Variants in NCBP1 observed in about 807,000 individuals in gnomAD.
NCBP1 encodes nuclear cap binding protein subunit 1, also known as nuclear cap-binding protein subunit 1.
A neutral mutation model predicts 111.7 loss-of-function variants in NCBP1; 16 were observed. The observed-to-expected ratio is 0.14, with a 90% CI of 0.10 to 0.22. The LOEUF (loss-of-function observed/expected upper bound fraction) is 0.22, where lower values mean the gene tolerates loss of function less well. NCBP1 is among the 10% of genes least tolerant of loss of function. The probability of loss-of-function intolerance (pLI) is 1.00; values close to 1 mark genes in which losing one functional copy is unlikely to be tolerated. For missense variants in NCBP1, 607 were observed against 957.5 expected (o/e 0.63, Z 4.83); for synonymous variants, 304 against 314.3 (o/e 0.97, Z 0.35).
intron 12 of NCBP1, among the ~76,000 whole-genome samples, chr9:97,655,393 A>ATT (rs201594878): frequency 3.3e-5 from 5 of 151,832 alleles, no homozygotes; most frequent in Admixed American, 3.3e-4. Context: ...AATTTCATAA[A>ATT]ATTTTTTTTT....
chr9:97,660,820 G>A (rs1295401543), intron 15 of NCBP1, 126 bp from the exon 16 acceptor site: 3 of 1,103,346 alleles, frequency 2.7e-6, no homozygotes, highest in East Asian at 5.0e-5. Context: ...TATTGACCTT[G>A]GGATAAAGAG....
chr9:97,665,545 C>T (rs2131365820), intron 19 of NCBP1, among the ~76,000 whole-genome samples: 2 of 152,324 alleles, frequency 1.3e-5, no homozygotes, highest in Middle Eastern at 6.8e-3. Context: ...ATTTGTAACT[C>T]TGCAAACCTT....
rs1040796632 is a variant in NCBP1 at position 97,662,861 on chromosome 9, T to G, written c.1704-93T>G. 8 of 903,196 alleles carry G rather than the reference T, an allele frequency of 8.9e-6. No individual in the cohort carries two copies. The African/African-American group carries it at 1.3e-4, about 15-fold the overall frequency. 55.9% of individuals were successfully genotyped at this position (903,196 alleles called of 1,614,324 possible). ...AGTTATTTTGCATTTATATATTGCA[T>G]TATAAATTGAGTAACATTGAAAAGG... On this transcript the variant is annotated intron_variant, in intron 17 of 22. Transcript: ENST00000375147.
At chr9:97,669,083 G>T in intron 21 of NCBP1, 109 bp downstream of exon 21, 10 of 1,259,308 alleles carry the variant, frequency 7.9e-6, no homozygotes, top group Non-Finnish European at 1.1e-5. Context: ...TTCATTTATA[G>T]AAGAGATTAA....
Position 97,658,627 on chromosome 9 carries a change from A to T in NCBP1, c.1374-13A>T, listed in dbSNP as rs759430225. On this transcript the variant is annotated splice_polypyrimidine_tract_variant and intron_variant, in intron 14 of 22. Coordinates refer to ENST00000375147, the MANE Select transcript of NCBP1 (RefSeq NM_002486.5). ...ATAAAAGATATTTTCTGAGGCTGTT[A>T]TTTGTATTGTAGGTTGTCTTACCAT... The T allele has an allele frequency of 1.9e-6, 3 of 1,572,278 alleles. No individual in the cohort carries two copies. The highest frequency in any genetic ancestry group is 2.2e-5 in the South Asian group (2 of 90,166).
intron 18 of NCBP1, 108 bp from the exon 19 acceptor site, chr9:97,664,232 T>C (rs1827926179): frequency 1.6e-6 from 1 of 645,008 alleles, no homozygotes; most frequent in South Asian, 2.7e-5. Flanking sequence ...CCACCAAAAC[T>C]AAATTTTATA....
chr9:97,649,372 A>T (rs1408080785), intron 8 of NCBP1, among the ~76,000 whole-genome samples: 1 of 152,158 alleles, frequency 6.6e-6, no homozygotes, highest in Non-Finnish European at 1.5e-5. Context: ...CTCAGTTTTG[A>T]CAACCAAAAA....
chr9:97,645,278 C>T (rs1274113311), intron 5 of NCBP1, 54 bp downstream of exon 5: 1 of 1,340,312 alleles, frequency 7.5e-7, no homozygotes, highest in African/African-American at 1.4e-5. Flanking sequence ...GTTACTGAAT[C>T]CTGGTACTTC....
chr9:97,643,500 C>T (rs376056716), intron 4 of NCBP1, 140 bp downstream of exon 4: 6 of 869,492 alleles, frequency 6.9e-6, no homozygotes, highest in East Asian at 3.0e-5. Context: ...TTTATTTTGA[C>T]GATACCCCCA....
chr9:97,647,604 C>T (rs1827381598), intron 7 of NCBP1, 43 bp downstream of exon 7: 2 of 1,467,434 alleles, frequency 1.4e-6, no homozygotes, highest in Admixed American at 1.7e-5. Context: ...ACAGTCAGCT[C>T]TTGAATAGAT....
intron 14 of NCBP1, 81 bp downstream of exon 14, chr9:97,656,166 A>G (rs1827646791): frequency 6.0e-6 from 7 of 1,158,020 alleles, no homozygotes. Context: ...TGTGTTCAGA[A>G]TATTGGATTC....
At chr9:97,654,818 T>C (rs1827602192) in intron 11 of NCBP1, 62 bp from the exon 12 acceptor site, 4 of 1,347,650 alleles carry the variant, frequency 3.0e-6, no homozygotes, top group African/African-American at 2.9e-5. Context: ...TTTCTATTCT[T>C]GTCTATTACA....
chr9:97,648,935 C>G (rs1246068986), intron 8 of NCBP1, among the ~76,000 whole-genome samples: 1 of 152,112 alleles, frequency 6.6e-6, no homozygotes, highest in African/African-American at 2.4e-5. Flanking sequence ...CTCCTGGGCT[C>G]AAGCAATTCG....
chr9:97,652,322 TTAAAG>T (rs1285245786), intron 10 of NCBP1, among the ~76,000 whole-genome samples: 2 of 152,170 alleles, frequency 1.3e-5, no homozygotes, highest in Non-Finnish European at 2.9e-5. Flanking sequence ...TGTCTTTATA[TTAAAG>T]TATTCATGGG....
At chr9:97,651,737 CA>C (rs1339837645) in intron 10 of NCBP1, among the ~76,000 whole-genome samples, 1 of 148,060 alleles carries the variant, frequency 6.8e-6, no homozygotes, top group East Asian at 2.5e-4. Context: ...TCATTTTAGA[CA>C]GATAACATAT....
chr9:97,635,085 T>G (rs1826969630), intron 1 of NCBP1, among the ~76,000 whole-genome samples: 1 of 152,228 alleles, frequency 6.6e-6, no homozygotes, highest in Admixed American at 6.5e-5. Flanking sequence ...CTACTAACGT[T>G]TGTCTCTCCT....
intron 22 of NCBP1, among the ~76,000 whole-genome samples, chr9:97,670,776 A>C (rs1312258725): frequency 6.6e-6 from 1 of 152,232 alleles, no homozygotes; most frequent in African/African-American, 2.4e-5. Flanking sequence ...GAGCTAGCTG[A>C]GCCTAGTCCG....
intron 11 of NCBP1, 48 bp from the exon 12 acceptor site, chr9:97,654,832 T>G (rs1301406541): frequency 6.6e-7 from 1 of 1,505,816 alleles, no homozygotes; most frequent in Non-Finnish European, 9.2e-7. Flanking sequence ...TATTACAACT[T>G]ATTTGGGATA....
chr9:97,655,323 G>A (rs1003510158), intron 12 of NCBP1, among the ~76,000 whole-genome samples: 1 of 152,114 alleles, frequency 6.6e-6, no homozygotes, highest in South Asian at 2.1e-4. Flanking sequence ...CAATCCTCCT[G>A]CCTTAGTCTC....
Sources: gnomAD v4.1 joint callset for allele counts (sites outside exome capture counted in the v4.1 genomes callset) on GRCh38, gnomAD v4.1.1 for gene constraint, MANE v1.5 for transcripts, NCBI Gene and HGNC (gene_info 2026-07-23, HGNC 2026-07-21) for gene names.